HELLS: variants seen among roughly 807,000 people sequenced by gnomAD.
The protein encoded by HELLS is lymphoid-specific helicase.
In HELLS, 32 loss-of-function variants were observed where a neutral mutation model predicts 120.0. The ratio of observed to expected loss-of-function variants is 0.27; its 90% CI spans 0.20 to 0.36. HELLS has a LOEUF of 0.36. Among genes scored for constraint, HELLS ranks in the 10% least tolerant of loss-of-function variants. The pLI, the probability that HELLS is intolerant of heterozygous loss-of-function variation, is 1.00. For missense variants in HELLS, 650 were observed against 993.4 expected, an observed-to-expected ratio of 0.65 and a Z score of 4.65; for synonymous variants, 341 against 323.4, an observed-to-expected ratio of 1.05 and a Z score of -0.58.
At chr10:94,557,170 T>C in intron 3 of HELLS, 1 of 426,192 alleles carries the variant, frequency 2.3e-6, no homozygotes, top group South Asian at 1.7e-5. Context: ...TTGTTTGTCT[T>C]TCCACTAGAC....
At chr10:94,566,094 T>C (rs932204018) in intron 6 of HELLS, among the ~76,000 whole-genome samples, 2 of 151,948 alleles carry the variant, frequency 1.3e-5, no homozygotes, top group Non-Finnish European at 2.9e-5. Context: ...GGTTTTGTCA[T>C]GTTGTCTAGG....
intron 12 of HELLS, among the ~76,000 whole-genome samples, chr10:94,587,072 T>C (rs76982852): frequency 0.028 from 4,204 of 152,220 alleles, 93 homozygotes; most frequent in South Asian, 0.044. Flanking sequence ...TTATTGTCTG[T>C]TGCTTCTGTG....
chr10:94,554,632 C>G (rs1450884378), intron 3 of HELLS, among the ~76,000 whole-genome samples: 1 of 140,810 alleles, frequency 7.1e-6, no homozygotes, highest in Non-Finnish European at 1.5e-5. Context: ...TTGGAATCTT[C>G]AAAGTAATAG....
At chr10:94,584,436 G>A (rs1210006821) in intron 12 of HELLS, among the ~76,000 whole-genome samples, 1 of 151,964 alleles carries the variant, frequency 6.6e-6, no homozygotes, top group Non-Finnish European at 1.5e-5. Flanking sequence ...AAATTTCAAT[G>A]CACCAATAGT....
intron 11 of HELLS, among the ~76,000 whole-genome samples, 194 bp from the exon 12 acceptor site, chr10:94,582,769 C>CA (rs1321381803): frequency 1.3e-5 from 2 of 151,972 alleles, no homozygotes; most frequent in Non-Finnish European, 2.9e-5. Flanking sequence ...CTTGATGGTT[C>CA]AAAAATGCAA....
chr10:94,575,809 G>GTA (rs1844443241), intron 9 of HELLS, among the ~76,000 whole-genome samples: 1 of 142,382 alleles, frequency 7.0e-6, no homozygotes, highest in African/African-American at 2.6e-5. Context: ...GTGTGTGTGT[G>GTA]TGTGTATGAC....
At chr10:94,580,640 G>A (rs543070276) in intron 10 of HELLS, among the ~76,000 whole-genome samples, 1 of 152,066 alleles carries the variant, frequency 6.6e-6, no homozygotes, top group South Asian at 2.1e-4. Flanking sequence ...ATTCTTTTGG[G>A]ATGTATAAAG....
chr10:94,583,603 G>T (rs1564605968), intron 12 of HELLS, among the ~76,000 whole-genome samples: 2 of 152,098 alleles, frequency 1.3e-5, no homozygotes, highest in Non-Finnish European at 1.5e-5. Flanking sequence ...GGAGAGAAGT[G>T]AAAAGTAAAA....
chr10:94,602,261 A>G (rs935156216), downstream of HELLS, among the ~76,000 whole-genome samples: 7 of 152,336 alleles, frequency 4.6e-5, no homozygotes, highest in Middle Eastern at 3.4e-3. Context: ...GCACAAGAGA[A>G]GTTTCTGAAT....
At chr10:94,556,959 C>T (rs989767275) in intron 3 of HELLS, among the ~76,000 whole-genome samples, 2 of 152,134 alleles carry the variant, frequency 1.3e-5, no homozygotes, top group African/African-American at 4.8e-5. Flanking sequence ...GGGCTTTTGC[C>T]CTTGCTATTT....
intron 19 of HELLS, 90 bp from the exon 20 acceptor site, chr10:94,596,770 C>T: frequency 1.5e-6 from 1 of 684,926 alleles, no homozygotes. Context: ...TGCCGTCCTT[C>T]TTAATGCAAG....
At position 94,597,096 on chromosome 10, in the gene HELLS, C is replaced by A; in HGVS notation, c.2407C>A (p.Arg803=). 1 of 1,586,572 alleles carries A rather than the reference C, an allele frequency of 6.3e-7. No homozygotes were observed. The highest frequency in any genetic ancestry group is 8.6e-7 in the Non-Finnish European group (1 of 1,156,818). The change falls in exon 21 of 22, where the codon CGA becomes AGA. Residue 803 remains arginine, a synonymous_variant. Coordinates refer to ENST00000348459, the MANE Select transcript of HELLS (RefSeq NM_018063.5). ...TAAAGATCTAGAGTTGTTGTTAGAT[C>A]GAAGTGATCTTATTGGTAAGTATTA... The part of the protein sequence containing the change: ...SDKDLELLLD[R]SDLIDQMNAS...
At chr10:94,579,934 A>T (rs1265294510) in intron 10 of HELLS, among the ~76,000 whole-genome samples, 1 of 151,722 alleles carries the variant, frequency 6.6e-6, no homozygotes, top group African/African-American at 2.4e-5. Context: ...GACTTTTTCC[A>T]TTTAAGTGAG....
rs932457057 is a variant in HELLS, at chr10:94,549,232, C to A, written c.153+2734C>A. On this transcript the variant is annotated intron_variant, in intron 2 of 21. Coordinates refer to ENST00000348459, the MANE Select transcript of HELLS (RefSeq NM_018063.5). The stretch of plus-strand genomic sequence containing the variant: ...AATAAACATGTCTTTGGAGGCCAAA[C>A]AATTAACTATGCACAGGTAGAGATT... 4.2e-4 allele frequency among the ~76,000 whole-genome samples: 64 copies of A among 152,100 alleles called. 1 individual carries two copies. The highest frequency in any genetic ancestry group is 2.9e-5 in the Non-Finnish European group (2 of 68,032).
Position 94,574,218 on chromosome 10 carries a change from C to T in HELLS, c.705+31C>T, listed in dbSNP as rs368523810. 2.4e-3 allele frequency: 3,332 copies of T among 1,404,494 alleles called. 5 individuals carry two copies. Among genetic ancestry groups the T allele is most frequent in the Non-Finnish European group, 2.9e-3 (2,849 of 993,476 alleles). 87.0% of individuals were successfully genotyped at this position (1,404,494 alleles called of 1,614,324 possible). A position where few individuals can be genotyped will look rare whatever the true frequency, so the allele number is the denominator to read the frequency against. On this transcript the variant is annotated intron_variant, in intron 8 of 21. Transcript: ENST00000348459. The stretch of plus-strand genomic sequence containing the variant: ...GAATTGGAATTTTTAATACAAGATA[C>T]TGGTTTTATTTCTATAGTAGCCTAA...
At chr10:94,604,117 C>T (rs1846099856), downstream of HELLS, among the ~76,000 whole-genome samples, 1 of 145,426 alleles carries the variant, frequency 6.9e-6, no homozygotes, top group South Asian at 2.2e-4. Context: ...TGAGCCACCA[C>T]ATCTGGCTTT....
At chr10:94,568,818 T>C (rs1843972967) in intron 6 of HELLS, among the ~76,000 whole-genome samples, 1 of 151,342 alleles carries the variant, frequency 6.6e-6, no homozygotes, top group African/African-American at 2.4e-5. Flanking sequence ...GTTTAGAGGA[T>C]AGTAAATTGA....
chr10:94,575,712 C>T (rs1041604198), intron 9 of HELLS, among the ~76,000 whole-genome samples: 10 of 146,638 alleles, frequency 6.8e-5, no homozygotes, highest in South Asian at 2.2e-4. Flanking sequence ...TGAGCCACTG[C>T]GCCCAGCCTA....
rs1055247790 is a variant in HELLS, at chr10:94,562,263, C to T, written c.334-428C>T. ...ACTAAAAATACAAAAATTAGCCGGGCGTGGTGGCAGGTGCCTGTAATCCCC... is the reference window on the plus strand; with the variant it reads ...ACTAAAAATACAAAAATTAGCCGGGTGTGGTGGCAGGTGCCTGTAATCCCC... On this transcript the variant is annotated intron_variant, in intron 4 of 21. Coordinates refer to ENST00000348459, the MANE Select transcript of HELLS (RefSeq NM_018063.5). Among the ~76,000 whole-genome samples, 5 of 151,920 alleles carry T rather than the reference C, an allele frequency of 3.3e-5. No individual in the cohort carries two copies. In the East Asian group the frequency reaches 5.9e-4, roughly 18 times the overall value.
Sources: allele counts gnomAD v4.1 joint callset (sites outside exome capture counted in the v4.1 genomes callset), GRCh38; gene constraint gnomAD v4.1.1; transcripts MANE v1.5; gene names NCBI Gene and HGNC (gene_info 2026-07-23, HGNC 2026-07-21).